ATL1: variants seen among roughly 807,000 people sequenced by gnomAD.
ATL1 encodes atlastin GTPase 1.
In ATL1, 31 loss-of-function variants were observed where a neutral mutation model predicts 75.5. The ratio of observed to expected loss-of-function variants is 0.41; its 90% CI spans 0.31 to 0.55. The LOEUF is 0.55. Among genes scored for constraint, ATL1 ranks in the 20% least tolerant of loss-of-function variants. ATL1 has a pLI of 0.27. For synonymous variants in ATL1, 226 were observed against 233.3 expected (o/e 0.97, Z 0.28); for missense variants, 405 against 662.6 (o/e 0.61, Z 4.27).
At chr14:50,559,919 G>C, upstream of ATL1, 1 of 372,524 alleles carries the variant, frequency 2.7e-6, no homozygotes. Flanking sequence ...TAAATTCTTT[G>C]AGAGTGTGTT....
rs372904465 is a variant in ATL1, at chr14:50,632,374, T to C, written c.*35T>C. 1 of 1,383,178 alleles carries C rather than the reference T, an allele frequency of 7.2e-7. No individual in the cohort carries two copies. The highest frequency in any genetic ancestry group is 1.2e-5 in the South Asian group (1 of 85,112). 85.7% of individuals were successfully genotyped at this position (1,383,178 alleles called of 1,614,324 possible). On this transcript the variant is annotated 3_prime_UTR_variant, in exon 14 of 14. Transcript: ENST00000358385. Reference sequence around the variant, plus strand: ...TAAGAAATACAGGTGCATGACCAATTGTCAATTAAATATTCAGTTTTATGT... The same window carrying C: ...TAAGAAATACAGGTGCATGACCAATCGTCAATTAAATATTCAGTTTTATGT...
At chr14:50,619,635 G>C (rs1206138422) in intron 8 of ATL1, among the ~76,000 whole-genome samples, 1 of 152,198 alleles carries the variant, frequency 6.6e-6, no homozygotes, top group Admixed American at 6.5e-5. Flanking sequence ...GCTACAGCTT[G>C]GGTTATGTGT....
intron 8 of ATL1, among the ~76,000 whole-genome samples, chr14:50,615,609 C>G (rs1420462233): frequency 2.0e-5 from 3 of 152,150 alleles, no homozygotes; most frequent in Non-Finnish European, 2.9e-5. Context: ...GACTAGATAG[C>G]AGTAAGCATA....
At chr14:50,557,318 A>G (rs948169625), upstream of ATL1, among the ~76,000 whole-genome samples, 8 of 152,082 alleles carry the variant, frequency 5.3e-5, no homozygotes, top group African/African-American at 1.9e-4. Context: ...CATTATTTCT[A>G]CCCTATTCCC....
At position 50,632,160 on chromosome 14, in the gene ATL1, TA is replaced by T. The variant is rs1410542102; in HGVS notation, c.1567-64del. 3 of 1,156,318 alleles carry T rather than the reference TA, an allele frequency of 2.6e-6. No homozygotes were observed. The Admixed American group carries it at 6.5e-5, about 25-fold the overall frequency. 71.6% of individuals were successfully genotyped at this position (1,156,318 alleles called of 1,614,324 possible). A position where few individuals can be genotyped will look rare whatever the true frequency, so the allele number is the denominator to read the frequency against. ...CTAAATTTTATACAGTACGATAAACTAAAAAGGAAAAAATTTTACATCTGTG... is the reference window on the plus strand; with the variant it reads ...CTAAATTTTATACAGTACGATAAACTAAAAGGAAAAAATTTTACATCTGTG... On this transcript the variant is annotated intron_variant, in intron 13 of 13. Coordinates refer to ENST00000358385, the MANE Select transcript of ATL1 (RefSeq NM_015915.5).
chr14:50,630,512 G>A (rs2039569364), intron 13 of ATL1, among the ~76,000 whole-genome samples: 1 of 152,172 alleles, frequency 6.6e-6, no homozygotes, highest in East Asian at 1.9e-4. Context: ...CTGTAAATTA[G>A]TGTTCATTTC....
intron 1 of ATL1, among the ~76,000 whole-genome samples, chr14:50,554,469 G>A (rs1595575069): frequency 6.6e-6 from 1 of 152,324 alleles, no homozygotes; most frequent in South Asian, 2.1e-4. Context: ...TTGGTGGGAA[G>A]AATATAAAGA....
chr14:50,572,251 G>A, intron 1 of ATL1: 1 of 206,764 alleles, frequency 4.8e-6, no homozygotes, highest in Non-Finnish European at 9.7e-6. Flanking sequence ...AATGAGTAGG[G>A]GACATTTCCT....
intron 1 of ATL1, chr14:50,561,128 G>A (rs753289776): frequency 6.6e-6 from 1 of 152,308 alleles, no homozygotes; most frequent in African/African-American, 2.4e-5. Context: ...ACCGCGAGTG[G>A]GTGGGCGGTG....
At chr14:50,613,031 C>T (rs2039380819) in intron 6 of ATL1, among the ~76,000 whole-genome samples, 1 of 152,066 alleles carries the variant, frequency 6.6e-6, no homozygotes, top group South Asian at 2.1e-4. Context: ...TGCGTTCATG[C>T]TGGCATTTTG....
chr14:50,614,775 T>A (rs933089525), intron 8 of ATL1, among the ~76,000 whole-genome samples: 3 of 152,150 alleles, frequency 2.0e-5, no homozygotes, highest in African/African-American at 7.2e-5. Context: ...CACCTTCTTA[T>A]CTCTGTGCAC....
chr14:50,618,890 TA>T (rs142867740), intron 8 of ATL1, among the ~76,000 whole-genome samples: 25,801 of 145,286 alleles, frequency 0.18, 2,754 homozygotes, highest in African/African-American at 0.35. Flanking sequence ...TATATATATA[TA>T]TTTTTTTTTC....
In ATL1 at chr14:50,576,940, G is replaced by A. The variant is rs560160872; in HGVS notation, c.35-10891G>A. ...AATATATAGTTACAAATAATGAGTC[G>A]AGTACATAATATTTGTTCTTAGTAA... On this transcript the variant is annotated intron_variant, in intron 1 of 13. Coordinates refer to ENST00000358385, the MANE Select transcript of ATL1 (RefSeq NM_015915.5). 8.0e-5 allele frequency among the ~76,000 whole-genome samples: 12 copies of A among 150,908 alleles called. No homozygotes were observed. The South Asian group carries it at 1.9e-3, about 24-fold the overall frequency.
chr14:50,533,410 G>A (rs1380493372), intron 1 of ATL1: 1 of 152,126 alleles, frequency 6.6e-6, no homozygotes, highest in Non-Finnish European at 1.5e-5. Context: ...TTTATAAAGC[G>A]TTTTACAGGA....
At chr14:50,608,759 T>G (rs747951625) in intron 6 of ATL1, among the ~76,000 whole-genome samples, 1 of 152,038 alleles carries the variant, frequency 6.6e-6, no homozygotes, top group Non-Finnish European at 1.5e-5. Flanking sequence ...TCCTGGTTCA[T>G]GAACCTCTAT....
chr14:50,576,070 C>T (rs1039439412), intron 1 of ATL1, among the ~76,000 whole-genome samples: 1 of 152,156 alleles, frequency 6.6e-6, no homozygotes, highest in Non-Finnish European at 1.5e-5. Context: ...AATACCTATT[C>T]AGTAGAAATC....
chr14:50,534,468 G>C (rs1371970814), intron 1 of ATL1, among the ~76,000 whole-genome samples: 1 of 152,364 alleles, frequency 6.6e-6, no homozygotes, highest in East Asian at 1.9e-4. Context: ...TGAATGCCCA[G>C]TTTGAGACGA....
intron 9 of ATL1, 58 bp downstream of exon 9, chr14:50,620,784 A>G: frequency 1.9e-6 from 3 of 1,594,294 alleles, no homozygotes; most frequent in Non-Finnish European, 2.6e-6. Flanking sequence ...TTGGATCGTA[A>G]TTCCTATAAA....
intron 1 of ATL1, among the ~76,000 whole-genome samples, chr14:50,579,852 T>G (rs2140193472): frequency 6.6e-6 from 1 of 152,270 alleles, no homozygotes; most frequent in South Asian, 2.1e-4. Context: ...TTGGCAAATG[T>G]CACAAATCAG....
Sources: allele counts gnomAD v4.1 joint callset (sites outside exome capture counted in the v4.1 genomes callset), GRCh38; gene constraint gnomAD v4.1.1; transcripts MANE v1.5; gene names NCBI Gene and HGNC (gene_info 2026-07-23, HGNC 2026-07-21).